The following SMYD1 variants were observed in gnomAD, a reference collection of about 807,000 sequenced individuals.
The protein encoded by SMYD1 is SET and MYND domain containing 1, also known as histone-lysine N-methyltransferase SMYD1.
In SMYD1, 49 loss-of-function variants were observed where a neutral mutation model predicts 54.0. The ratio of observed to expected loss-of-function variants is 0.91; its 90% confidence interval spans 0.72 to 1.15. The LOEUF (loss-of-function observed/expected upper bound fraction) is 1.15. SMYD1 is among the 50% of genes most tolerant of loss of function. The pLI is 0.00. For synonymous variants in SMYD1, 269 were observed against 234.2 expected (o/e 1.15, Z -1.36); for missense variants, 653 against 639.6 (o/e 1.02, Z -0.23).
At chr2:88,108,337 G>A (rs1184221694) in intron 8 of SMYD1, 34 bp from the exon 9 acceptor site, 2 of 1,514,168 alleles carry the variant, frequency 1.3e-6, no homozygotes, top group Non-Finnish European at 1.8e-6. Flanking sequence ...AGGGTGATTG[G>A]TATGATGTAT....
At chr2:88,106,866 T>C (rs1573122990) in intron 8 of SMYD1, among the ~76,000 whole-genome samples, 2 of 152,308 alleles carry the variant, frequency 1.3e-5, no homozygotes, top group South Asian at 2.1e-4. Context: ...TTTATTTATT[T>C]ATTTATTTTT....
In SMYD1 at chr2:88,084,430, G is replaced by T; in HGVS notation, c.252G>T (p.Leu84=). The change falls in exon 2 of 10, where the codon CTG becomes CTT. Residue 84 remains leucine (L), a synonymous_variant. Coordinates refer to ENST00000419482, the MANE Select transcript of SMYD1 (RefSeq NM_198274.4). ...CDRTCQKDAW[L]NHKNECSAIK... ...GCACCTGCCAGAAGGATGCTTGGCT[G>T]AACCACAAGAATGAATGTTCGGCCA... is the stretch of plus-strand genomic sequence containing the variant. The T allele has an allele frequency of 7.5e-6, 12 of 1,607,194 alleles. No individual in the cohort carries two copies. The highest frequency in any genetic ancestry group is 1.0e-5 in the Non-Finnish European group (12 of 1,174,442).
rs532104438 is a variant in SMYD1, at chr2:88,105,614, T to C, written c.982-711T>C. On this transcript the variant is annotated intron_variant, in intron 7 of 9. Coordinates refer to ENST00000419482, the MANE Select transcript of SMYD1 (RefSeq NM_198274.4). ...TGTATTGATGTGTTTGTATTGTTTT[T>C]TGCTGTTGTATGATTCTTTCTTTCT... Among the ~76,000 whole-genome samples the C allele has an allele frequency of 3.1e-4, 47 of 152,308 alleles. No individual in the cohort carries two copies. The South Asian group carries it at 4.3e-3, about 14-fold the overall frequency.
chr2:88,078,501 A>G (rs1294860764), intron 1 of SMYD1, among the ~76,000 whole-genome samples: 1 of 152,206 alleles, frequency 6.6e-6, no homozygotes, highest in African/African-American at 2.4e-5. Context: ...AGTCAGGAGT[A>G]GAACCCAGCT....
chr2:88,100,164 G>A (rs981046457), intron 6 of SMYD1, among the ~76,000 whole-genome samples: 1 of 152,120 alleles, frequency 6.6e-6, no homozygotes, highest in African/African-American at 2.4e-5. Flanking sequence ...GAGTGTTCCT[G>A]CCTTTTCTCT....
At chr2:88,103,010 G>C (rs764918138) in intron 6 of SMYD1, 48 bp from the exon 7 acceptor site, 4 of 1,451,074 alleles carry the variant, frequency 2.8e-6, no homozygotes, top group Non-Finnish European at 3.9e-6. Context: ...AGGTGGAATG[G>C]GTTGCCTCAT....
In SMYD1 at chr2:88,111,076, G is replaced by C. The variant is rs1372741718; in HGVS notation, c.*564G>C. The C allele has an allele frequency of 6.5e-6, 1 of 152,694 alleles. No individual in the cohort carries two copies. Among genetic ancestry groups the C allele is most frequent in the East Asian group, 1.9e-4 (1 of 5,178 alleles). The allele number at this position is 152,694 out of a possible 1,614,324, so 9.5% of individuals were successfully genotyped here. A position where few individuals can be genotyped will look rare whatever the true frequency, so the allele number is the denominator to read the frequency against. On this transcript the variant is annotated 3_prime_UTR_variant, in exon 10 of 10. Transcript: ENST00000419482. The stretch of plus-strand genomic sequence containing the variant: ...CAGGATATGTGATACTGTGTGGTTG[G>C]TGTGGAGTTTTGAAGAAGGGGCTGT...
At chr2:88,095,587 C>A (rs1436194361) in intron 5 of SMYD1, among the ~76,000 whole-genome samples, 4 of 152,194 alleles carry the variant, frequency 2.6e-5, no homozygotes, top group African/African-American at 9.7e-5. Flanking sequence ...GACCACGGAT[C>A]TCTGTGCAGA....
In SMYD1 at chr2:88,086,175, A is replaced by T. The variant is rs1674318802; in HGVS notation, c.314+1683A>T. Among the ~76,000 whole-genome samples the T allele has an allele frequency of 2.0e-5, 3 of 152,226 alleles. 1 individual carries two copies. In the South Asian group the frequency reaches 6.2e-4, roughly 31 times the overall value. On this transcript the variant is annotated intron_variant, in intron 2 of 9. Transcript: ENST00000419482. ...CTGGCTGTGATATTAGTTCTCTAAA[A>T]TGTTACCATTGGAGAAAACTGGGCA...
chr2:88,092,075 T>C (rs774210615), intron 4 of SMYD1, among the ~76,000 whole-genome samples: 3 of 152,024 alleles, frequency 2.0e-5, no homozygotes, highest in Non-Finnish European at 4.4e-5. Context: ...TATAACTGTG[T>C]CTAGAGAAAC....
chr2:88,084,565 C>A, intron 2 of SMYD1, 73 bp downstream of exon 2: 1 of 1,430,696 alleles, frequency 7.0e-7, no homozygotes, highest in Non-Finnish European at 9.5e-7. Flanking sequence ...TAACAACATT[C>A]CCAGATCTAA....
intron 1 of SMYD1, among the ~76,000 whole-genome samples, chr2:88,071,466 C>T (rs2103974761): frequency 6.6e-6 from 1 of 152,230 alleles, no homozygotes; most frequent in Admixed American, 6.5e-5. Context: ...AGGTACTCTT[C>T]TTGAAGGTAA....
chr2:88,069,987 C>T (rs950673180), intron 1 of SMYD1, among the ~76,000 whole-genome samples: 1 of 151,988 alleles, frequency 6.6e-6, no homozygotes, highest in Non-Finnish European at 1.5e-5. Flanking sequence ...GAAGTAACAA[C>T]TATAAAAACA....
intron 5 of SMYD1, among the ~76,000 whole-genome samples, chr2:88,094,828 G>A (rs1299171437): frequency 2.0e-5 from 3 of 152,012 alleles, no homozygotes. Context: ...ACTCGTGGGG[G>A]CAGAATTGGT....
rs752019749 is a variant in SMYD1 at position 88,108,461 on chromosome 2, G to T, written c.1236G>T (p.Gly412=). The T allele has an allele frequency of 6.2e-7, 1 of 1,612,904 alleles. No homozygotes were observed. Residue 412 remains glycine (G), a synonymous_variant, in exon 9 of 10, where the codon GGG becomes GGT. Coordinates refer to ENST00000419482, the MANE Select transcript of SMYD1 (RefSeq NM_198274.4). Reference sequence around the variant, plus strand: ...GGCATGCTGGTAACATTGAGGTGGGGCACGGGATGATCTGCAAAGCCTATG... The same window carrying T: ...GGCATGCTGGTAACATTGAGGTGGGTCACGGGATGATCTGCAAAGCCTATG... ...TNWHAGNIEV[G]HGMICKAYAI... is the part of the protein sequence containing the mutation.
intron 7 of SMYD1, among the ~76,000 whole-genome samples, chr2:88,106,098 T>G (rs1191655174): frequency 6.6e-6 from 1 of 152,134 alleles, no homozygotes; most frequent in Non-Finnish European, 1.5e-5. Flanking sequence ...AACTCCTCGC[T>G]GTGCTGCATC....
chr2:88,096,011 A>T (rs1674577650), intron 5 of SMYD1, among the ~76,000 whole-genome samples: 1 of 152,208 alleles, frequency 6.6e-6, no homozygotes, highest in South Asian at 2.1e-4. Context: ...CAGTAAGCTA[A>T]CAGAGCCAGC....
At chr2:88,106,176 T>C in intron 7 of SMYD1, 149 bp from the exon 8 acceptor site, 1 of 1,033,858 alleles carries the variant, frequency 9.7e-7, no homozygotes, top group Non-Finnish European at 1.4e-6. Flanking sequence ...TTGCAATTCA[T>C]ACCCCAAACC....
intron 6 of SMYD1, among the ~76,000 whole-genome samples, chr2:88,100,432 A>T (rs1474808208): frequency 6.6e-6 from 1 of 152,228 alleles, no homozygotes; most frequent in African/African-American, 2.4e-5. Context: ...ACTCCAGAAG[A>T]TTCACTAAGA....
Sources: gnomAD v4.1 joint callset for allele counts (sites outside exome capture counted in the v4.1 genomes callset) on GRCh38, gnomAD v4.1.1 for gene constraint, MANE v1.5 for transcripts, NCBI Gene and HGNC (gene_info 2026-07-23, HGNC 2026-07-21) for gene names.